Variants in ZC3H11A observed in about 807,000 individuals in gnomAD.
ZC3H11A encodes the protein zinc finger CCCH domain-containing protein 11A.
A neutral mutation model predicts 90.8 loss-of-function variants in ZC3H11A; 22 were observed. The observed-to-expected ratio is 0.24, with a 90% CI of 0.17 to 0.35. ZC3H11A has a LOEUF of 0.35. Among genes scored for constraint, ZC3H11A ranks in the 10% least tolerant of loss-of-function variants. The pLI is 1.00. For synonymous variants in ZC3H11A, 294 were observed against 339.8 expected (o/e 0.87, Z 1.48); for missense variants, 701 against 964.9 (o/e 0.73, Z 3.62).
chr1:203,839,324 G>A (rs1023288432), intron 11 of ZC3H11A, among the ~76,000 whole-genome samples: 3 of 152,214 alleles, frequency 2.0e-5, no homozygotes, highest in African/African-American at 7.2e-5. Context: ...GTACAGGAAT[G>A]CACTATTGCG....
chr1:203,844,571 A>T (rs888013578), intron 12 of ZC3H11A, among the ~76,000 whole-genome samples: 2 of 151,902 alleles, frequency 1.3e-5, no homozygotes, highest in Non-Finnish European at 2.9e-5. Context: ...GTTTATCTTA[A>T]ATATTGTTGT....
At chr1:203,834,040 G>C (rs1683385374) in intron 10 of ZC3H11A, 187 bp downstream of exon 10, 1 of 1,258,548 alleles carries the variant, frequency 7.9e-7, no homozygotes, top group African/African-American at 1.5e-5. Context: ...GATTTAAAGT[G>C]TTACAATTGA....
intron 2 of ZC3H11A, among the ~76,000 whole-genome samples, chr1:203,809,497 A>G (rs1673608700): frequency 6.6e-6 from 1 of 151,966 alleles, no homozygotes; most frequent in Admixed American, 6.6e-5. Context: ...TCATAGTGGT[A>G]TGTTCATTTG....
chr1:203,825,591 T>G (rs1680274402), intron 4 of ZC3H11A, among the ~76,000 whole-genome samples: 1 of 152,024 alleles, frequency 6.6e-6, no homozygotes, highest in African/African-American at 2.4e-5. Flanking sequence ...CCCTCCACCA[T>G]GCCCAGCTAA....
intron 12 of ZC3H11A, among the ~76,000 whole-genome samples, 167 bp downstream of exon 12, chr1:203,840,541 T>G (rs1685772756): frequency 6.6e-6 from 1 of 152,144 alleles, no homozygotes; most frequent in African/African-American, 2.4e-5. Flanking sequence ...TCAACTGGGA[T>G]CAATTCCTTT....
rs1175411219 is a variant in ZC3H11A, at chr1:203,795,663, A to G, written c.-1719A>G. 6.6e-6 allele frequency: 1 copy of G among 152,218 alleles called. No individual in the cohort carries two copies. The highest frequency in any genetic ancestry group is 1.5e-5 in the Non-Finnish European group (1 of 68,058). The allele number at this position is 152,218 out of a possible 1,614,324, so 9.4% of individuals were successfully genotyped here. On this transcript the variant is annotated 5_prime_UTR_variant, in exon 1 of 18. Transcript: ENST00000367210. The stretch of plus-strand genomic sequence containing the variant: ...GCCAGGCGCCATCTTTGACGCTGGC[A>G]GTCTTGGTTTTCTGCTAGTGCTGCT...
Position 203,798,102 on chromosome 1 carries a change from A to G in ZC3H11A, c.-1588+2308A>G, listed in dbSNP as rs539104133. The G allele has an allele frequency of 3.3e-4, 505 of 1,536,118 alleles. 2 individuals are homozygous for G. In the African/African-American group the frequency reaches 6.2e-3, roughly 19 times the overall value. On this transcript the variant is annotated intron_variant, in intron 1 of 17. Coordinates refer to ENST00000367210, the MANE Select transcript of ZC3H11A (RefSeq NM_001376342.1). Reference sequence around the variant, plus strand: ...CAGGGCCAACAAGTTTGGAGTTGCTAGTGGAGAGGAGGACTTTACCTTGGA... The same window carrying G: ...CAGGGCCAACAAGTTTGGAGTTGCTGGTGGAGAGGAGGACTTTACCTTGGA...
Position 203,830,176 on chromosome 1 carries a change from A to T in ZC3H11A, c.673A>T (p.Met225Leu), listed in dbSNP as rs766844512. The T allele has an allele frequency of 6.2e-7, 1 of 1,600,252 alleles. No individual in the cohort carries two copies. The highest frequency in any genetic ancestry group is 2.2e-5 in the East Asian group (1 of 44,816). The change falls in exon 8 of 18, where the codon ATG becomes TTG. Residue 225 changes from methionine to leucine, a missense_variant. Transcript: ENST00000367210. ...KTLEEIKSKK[M>L]KEKSKKQGEG... ...TCTTGAGGAAATTAAGTCAAAGAAA[A>T]TGAAGGAAAAATCTAAGAAGCAAGG...
chr1:203,841,782 G>A (rs1249360348), intron 12 of ZC3H11A, among the ~76,000 whole-genome samples: 7 of 148,404 alleles, frequency 4.7e-5, no homozygotes, highest in South Asian at 2.2e-4. Context: ...GGGTGGAGGC[G>A]CCCCCCACCT....
chr1:203,841,347 G>A (rs1406680006), intron 12 of ZC3H11A, among the ~76,000 whole-genome samples: 3 of 151,826 alleles, frequency 2.0e-5, no homozygotes, highest in Non-Finnish European at 2.9e-5. Context: ...ATTAGGGAGT[G>A]GTGATGACTC....
chr1:203,809,330 C>T (rs374981248), intron 2 of ZC3H11A, among the ~76,000 whole-genome samples: 4 of 151,848 alleles, frequency 2.6e-5, no homozygotes, highest in Admixed American at 6.6e-5. Context: ...CGCACACTAC[C>T]GTGCCCGGCT....
In ZC3H11A at chr1:203,847,307, A is replaced by T. The variant is rs144745497; in HGVS notation, c.1166A>T (p.Asp389Val). The T allele has an allele frequency of 1.2e-6, 2 of 1,613,880 alleles. No individual in the cohort carries two copies. Among genetic ancestry groups the T allele is most frequent in the African/African-American group, 1.3e-5 (1 of 74,934 alleles). The change falls in exon 13 of 18, where the codon GAT becomes GTT. Residue 389 changes from aspartate (D) to valine (V), a missense_variant. Around this residue, in one of 4 missense-constraint regions of ZC3H11A, gnomAD observed 530 missense variants for 696.2 expected, o/e 0.76. Transcript: ENST00000367210. ...AAGACAGAAGGACCTTCAAAAACTG[A>T]TGATTCTACTTCAGGAGCAAGAAGC... is the stretch of plus-strand genomic sequence containing the variant. ...KLKTEGPSKT[D>V]DSTSGARSSS...
intron 2 of ZC3H11A, among the ~76,000 whole-genome samples, chr1:203,808,563 T>G (rs1251691635): frequency 6.6e-6 from 1 of 152,232 alleles, no homozygotes; most frequent in African/African-American, 2.4e-5. Flanking sequence ...GGATTTCTAT[T>G]TATAGAAATT....
In ZC3H11A at chr1:203,802,068, C is replaced by T. The variant is rs906354579; in HGVS notation, c.-1094C>T. On this transcript the variant is annotated 5_prime_UTR_variant, in exon 2 of 18. Coordinates refer to ENST00000367210, the MANE Select transcript of ZC3H11A (RefSeq NM_001376342.1). ...TAAATTTTCCCTTAGATAAAGCTTT[C>T]TGTGTTTTGACAGTGCCAGTTTAGA... The T allele has an allele frequency of 6.6e-6, 1 of 152,578 alleles. No homozygotes were observed. The highest frequency in any genetic ancestry group is 1.5e-5 in the Non-Finnish European group (1 of 68,010). The allele number at this position is 152,578 out of a possible 1,614,324, so 9.5% of individuals were successfully genotyped here.
At position 203,852,153 on chromosome 1, in the gene ZC3H11A, T is replaced by G. The variant is rs1689469911; in HGVS notation, c.2187T>G (p.Pro729=). 6.2e-7 allele frequency: 1 copy of G among 1,613,674 alleles called. No individual in the cohort carries two copies. Among genetic ancestry groups the G allele is most frequent in the Middle Eastern group, 1.7e-4 (1 of 6,054 alleles). The change falls in exon 18 of 18, where the codon CCT becomes CCG. Residue 729 remains proline, a synonymous_variant. Transcript: ENST00000367210. ...TTTTTTCTTACAGTCTTGTGCTGCC[T>G]CCAACCCAGTCCTCTTCAGATTCCT... ...AENPRDSLVL[P]PTQSSSDSSP...
At chr1:203,828,463 A>G in intron 5 of ZC3H11A, 41 bp downstream of exon 5, 1 of 1,565,288 alleles carries the variant, frequency 6.4e-7, no homozygotes, top group Non-Finnish European at 8.7e-7. Context: ...TCAAATGAAC[A>G]CCTATTATGC....
intron 12 of ZC3H11A, among the ~76,000 whole-genome samples, chr1:203,844,369 A>G (rs1572336338): frequency 6.6e-6 from 1 of 151,954 alleles, no homozygotes; most frequent in South Asian, 2.1e-4. Flanking sequence ...CCTGTTGGCC[A>G]GGCTAGTCTC....
At position 203,840,391 on chromosome 1, in the gene ZC3H11A, A is replaced by G. The variant is rs556516275; in HGVS notation, c.1042+17A>G. ...ATGCAACAGGTAAGTAAATCCTAAG[A>G]CCAGATTCTGATTATTTTTTTCTTT... On this transcript the variant is annotated intron_variant, in intron 12 of 17. Coordinates refer to ENST00000367210, the MANE Select transcript of ZC3H11A (RefSeq NM_001376342.1). 8.7e-6 allele frequency: 14 copies of G among 1,605,546 alleles called. No homozygotes were observed. In the South Asian group the frequency reaches 1.6e-4, roughly 18 times the overall value.
rs906835988 is a variant in ZC3H11A, at chr1:203,838,082, T to C, written c.973+18T>C. 19 of 1,609,178 alleles carry C rather than the reference T, an allele frequency of 1.2e-5. No individual in the cohort carries two copies. The African/African-American group carries it at 2.4e-4, about 20-fold the overall frequency. ...AAAGAAAGGTACCTGTGTTCTTACA[T>C]ACTTTGTGTGTGTATGTAATTATGA... On this transcript the variant is annotated intron_variant, in intron 11 of 17. Coordinates refer to ENST00000367210, the MANE Select transcript of ZC3H11A (RefSeq NM_001376342.1).
Sources: allele counts gnomAD v4.1 joint callset (sites outside exome capture counted in the v4.1 genomes callset), GRCh38; gene constraint gnomAD v4.1.1; regional missense constraint gnomAD v4.1.1; transcripts MANE v1.5; gene names NCBI Gene and HGNC (gene_info 2026-07-23, HGNC 2026-07-21).